Variants in GABRR2 observed in about 807,000 individuals in gnomAD.
GABRR2 encodes gamma-aminobutyric acid receptor subunit rho-2.
Under a neutral mutation model 47.0 loss-of-function variants are expected in GABRR2, and 36 were observed. The observed-to-expected ratio is 0.77, with a 90% CI of 0.59 to 1.01. The LOEUF (loss-of-function observed/expected upper bound fraction) is 1.01, where lower values mean the gene tolerates loss of function less well. Among genes scored for constraint, GABRR2 ranks in the 50% least tolerant of loss-of-function variants. The pLI is 0.00. For missense variants in GABRR2, 587 were observed against 594.6 expected (o/e 0.99, Z 0.13); for synonymous variants, 204 against 227.5 (o/e 0.90, Z 0.93).
At chr6:89,291,646 C>A (rs920802710) in intron 2 of GABRR2, among the ~76,000 whole-genome samples, 1 of 152,160 alleles carries the variant, frequency 6.6e-6, no homozygotes, top group African/African-American at 2.4e-5. Flanking sequence ...TGGATGCAGG[C>A]TTCTGCAATC....
chr6:89,280,069 G>T (rs1425841543), intron 2 of GABRR2, among the ~76,000 whole-genome samples: 1 of 151,944 alleles, frequency 6.6e-6, no homozygotes, highest in Non-Finnish European at 1.5e-5. Flanking sequence ...AATTAGCCAG[G>T]TGTGGGGGCT....
chr6:89,297,816 G>T (rs1774583273), intron 2 of GABRR2, among the ~76,000 whole-genome samples: 1 of 152,134 alleles, frequency 6.6e-6, no homozygotes, highest in African/African-American at 2.4e-5. Context: ...TTGCGCCTCT[G>T]CACTCCAGCC....
intron 2 of GABRR2, among the ~76,000 whole-genome samples, chr6:89,281,987 T>TGA (rs1774260986): frequency 6.6e-6 from 1 of 152,160 alleles, no homozygotes; most frequent in African/African-American, 2.4e-5. Flanking sequence ...CATGCCCCTC[T>TGA]CTGACCTGGT....
chr6:89,296,964 A>T (rs1027453534), intron 2 of GABRR2, among the ~76,000 whole-genome samples: 1 of 152,154 alleles, frequency 6.6e-6, no homozygotes, highest in Non-Finnish European at 1.5e-5. Context: ...TCTTCTACAT[A>T]CTGAAGGTAC....
At chr6:89,309,601 T>C (rs1331052752) in intron 1 of GABRR2, among the ~76,000 whole-genome samples, 2 of 152,058 alleles carry the variant, frequency 1.3e-5, no homozygotes, top group African/African-American at 4.8e-5. Flanking sequence ...TTTTTTAGAG[T>C]AATTTTAGGT....
At chr6:89,308,613 A>G (rs886090926) in intron 1 of GABRR2, among the ~76,000 whole-genome samples, 3 of 152,154 alleles carry the variant, frequency 2.0e-5, no homozygotes, top group African/African-American at 7.2e-5. Context: ...CCCTACTTCT[A>G]ACACTGCCTG....
intron 2 of GABRR2, among the ~76,000 whole-genome samples, chr6:89,277,396 G>A (rs1377408369): frequency 2.0e-5 from 3 of 152,100 alleles, no homozygotes; most frequent in Non-Finnish European, 2.9e-5. Flanking sequence ...ATTTATAGCA[G>A]CATGAGAATA....
chr6:89,307,280 C>G (rs973545587), intron 1 of GABRR2, among the ~76,000 whole-genome samples: 1 of 152,122 alleles, frequency 6.6e-6, no homozygotes, highest in Non-Finnish European at 1.5e-5. Context: ...CCCATGCAAT[C>G]AAGGCTAAGA....
rs1774054085 is a variant in GABRR2 at position 89,271,673 on chromosome 6, G to A, written c.270C>T (p.Ser90=). The change falls in exon 3 of 9, where the codon AGC becomes AGT. Residue 90 remains serine, a synonymous_variant. Coordinates refer to ENST00000402938, the MANE Select transcript of GABRR2 (RefSeq NM_002043.5). ...GVDVQVESLD[S]ISEVDMDFTM... is the part of the protein sequence containing the mutation. ...TGCATACCATGTCCACCTCGGAGAT[G>A]CTGTCCAGGCTCTCCACCTGTACGT... is the stretch of plus-strand genomic sequence containing the variant. The A allele has an allele frequency of 6.2e-7, 1 of 1,611,906 alleles. No homozygotes were observed. Among genetic ancestry groups the A allele is most frequent in the Non-Finnish European group, 8.5e-7 (1 of 1,179,104 alleles).
intron 1 of GABRR2, among the ~76,000 whole-genome samples, chr6:89,300,807 TGTACAAAGAACTG>T (rs151270690): frequency 0.011 from 1,607 of 143,436 alleles, 14 homozygotes; most frequent in Non-Finnish European, 0.019. Flanking sequence ...TTCTACCAGA[TGTACAAAGAACTG>T]GTACCATTCC....
At chr6:89,297,435 G>A (rs1388276427) in intron 2 of GABRR2, among the ~76,000 whole-genome samples, 1 of 152,174 alleles carries the variant, frequency 6.6e-6, no homozygotes, top group Admixed American at 6.5e-5. Flanking sequence ...CTGTGCCTCA[G>A]TTTCCTCATC....
rs1773562751 is a variant in GABRR2, at chr6:89,254,466, T to C, written c.*3204A>G. The stretch of plus-strand genomic sequence containing the variant: ...AATGAAGTATGTCCAATCACCAGTT[T>C]TTGTATAAAACCCATTTCTTTTATT... On this transcript the variant is annotated 3_prime_UTR_variant, in exon 9 of 9. Coordinates refer to ENST00000402938, the MANE Select transcript of GABRR2 (RefSeq NM_002043.5). Among the ~76,000 whole-genome samples, 1 of 152,236 alleles carries C rather than the reference T, an allele frequency of 6.6e-6. No homozygotes were observed. The highest frequency in any genetic ancestry group is 6.5e-5 in the Admixed American group (1 of 15,284).
chr6:89,288,933 G>A lies in GABRR2; in HGVS notation c.220+10826C>T, dbSNP rs565297350. 1.6e-4 allele frequency among the ~76,000 whole-genome samples: 25 copies of A among 152,282 alleles called. No individual in the cohort carries two copies. In the South Asian group the frequency reaches 3.3e-3, roughly 20 times the overall value. ...GTTGGGATTGTAGGCGTAAGACACC[G>A]TGCCCAGCTAATGTTTTTAATCACT... is the stretch of plus-strand genomic sequence containing the variant. On this transcript the variant is annotated intron_variant, in intron 2 of 8. Transcript: ENST00000402938.
rs953060479 is a variant in GABRR2, at chr6:89,268,949, G to A, written c.512+62C>T. 6.1e-6 allele frequency: 9 copies of A among 1,471,214 alleles called. No individual in the cohort carries two copies. In the African/African-American group the frequency reaches 1.1e-4, roughly 18 times the overall value. The allele number at this position is 1,471,214 out of a possible 1,614,324, so 91.1% of individuals were successfully genotyped here. ...CGCAGTGACAGTCTTCAGGGCCAAA[G>A]GGCCTGACCACACATACCAGAAAGG... On this transcript the variant is annotated intron_variant, in intron 4 of 8. Transcript: ENST00000402938.
At chr6:89,292,855 A>G (rs116953824) in intron 2 of GABRR2, among the ~76,000 whole-genome samples, 2,280 of 125,676 alleles carry the variant, frequency 0.018, 67 homozygotes, top group Non-Finnish European at 0.03. Context: ...CGTATATATC[A>G]TATATTATAT....
At chr6:89,280,223 T>TATA (rs1157382334) in intron 2 of GABRR2, among the ~76,000 whole-genome samples, 20 of 64,338 alleles carry the variant, frequency 3.1e-4, no homozygotes, top group African/African-American at 1.4e-3. Context: ...TATATATATA[T>TATA]ATATATATAT....
At chr6:89,302,172 G>T in intron 1 of GABRR2, 1 of 568,424 alleles carries the variant, frequency 1.8e-6, no homozygotes, top group Non-Finnish European at 3.4e-6. Flanking sequence ...GGTCTGTAGG[G>T]TTTCCAGCTG....
chr6:89,277,987 G>C (rs1156841861), intron 2 of GABRR2, among the ~76,000 whole-genome samples: 1 of 152,130 alleles, frequency 6.6e-6, no homozygotes, highest in East Asian at 1.9e-4. Flanking sequence ...ATGTGAATGT[G>C]CACCAGAAGA....
chr6:89,313,665 C>T (rs1227636467), intron 1 of GABRR2, among the ~76,000 whole-genome samples: 1 of 152,162 alleles, frequency 6.6e-6, no homozygotes, highest in Non-Finnish European at 1.5e-5. Flanking sequence ...GCCTGTAATC[C>T]TAGCACTTTG....
Sources: gnomAD v4.1 joint callset for allele counts (sites outside exome capture counted in the v4.1 genomes callset) on GRCh38, gnomAD v4.1.1 for gene constraint, MANE v1.5 for transcripts, NCBI Gene and HGNC (gene_info 2026-07-23, HGNC 2026-07-21) for gene names.